Variants in CLCN4 observed in about 807,000 individuals in gnomAD.
The protein encoded by CLCN4 is Cl-/H+ antiporter 4, also known as H(+)/Cl(-) exchange transporter 4.
A neutral mutation model predicts 41.7 loss-of-function variants in CLCN4; 1 was observed. That is an observed-to-expected ratio of 0.02 (90% confidence interval 0.01 to 0.11). The LOEUF (loss-of-function observed/expected upper bound fraction) is 0.11, where lower values mean the gene tolerates loss of function less well. CLCN4 is among the 10% of genes least tolerant of loss of function. The pLI is 1.00. For missense variants in CLCN4, 287 were observed against 661.0 expected (o/e 0.43, Z 6.20); for synonymous variants, 277 against 285.8 (o/e 0.97, Z 0.31).
At chrX:10,160,001 G>A (rs867736957) in intron 2 of CLCN4, among the ~76,000 whole-genome samples, 1 of 110,518 alleles carries the variant, frequency 9.0e-6, no homozygotes, top group South Asian at 3.9e-4. Context: ...GGCATTTGGG[G>A]CCAGATAACT....
At chrX:10,184,937 A>G (rs745388013) in intron 2 of CLCN4, 85 bp from the exon 3 acceptor site, 1 of 769,424 alleles carries the variant, frequency 1.3e-6, no homozygotes, top group Non-Finnish European at 1.9e-6. Context: ...TTTCTTATAT[A>G]AGAAAATAGG....
intron 12 of CLCN4, among the ~76,000 whole-genome samples, chrX:10,230,067 G>A (rs892119925): frequency 1.8e-5 from 2 of 111,982 alleles, no homozygotes; most frequent in African/African-American, 6.5e-5. Context: ...TTTGAGAAAT[G>A]TCTATCCAAA....
At position 10,233,685 on chromosome X, in the gene CLCN4, A is replaced by T. The variant is rs1260194835; in HGVS notation, c.*101A>T. On this transcript the variant is annotated 3_prime_UTR_variant, in exon 13 of 13. Transcript: ENST00000380833. ...CAATGAAAGATCATGCATTGGGGACAGCAGAAACAAAAGCTTTTTTGGAAA... is the reference window on the plus strand; with the variant it reads ...CAATGAAAGATCATGCATTGGGGACTGCAGAAACAAAAGCTTTTTTGGAAA... The T allele has an allele frequency of 1.4e-6, 1 of 690,486 alleles. No homozygotes were observed. The highest frequency in any genetic ancestry group is 2.2e-6 in the Non-Finnish European group (1 of 456,521). The allele number at this position is 690,486 out of a possible 1,213,427, so 56.9% of individuals were successfully genotyped here.
chrX:10,194,249 G>A (rs760059213), intron 4 of CLCN4, among the ~76,000 whole-genome samples: 8 of 111,777 alleles, frequency 7.2e-5, no homozygotes, highest in African/African-American at 2.6e-4. Flanking sequence ...GCCTTTGTGA[G>A]AGATGAGAAT....
rs189496225 is a variant in CLCN4 at position 10,188,630 on chromosome X, G to A, written c.244+1016G>A. Among the ~76,000 whole-genome samples the A allele has an allele frequency of 1.6e-3, 184 of 112,357 alleles. 1 individual carries two copies. The highest frequency in any genetic ancestry group is 4.6e-3 in the Middle Eastern group (1 of 216). On this transcript the variant is annotated intron_variant, in intron 4 of 12. Transcript: ENST00000380833. ...TTAATGTCTAAGAATAAAAAATTTG[G>A]CATGACGAAGAGGTTTCCTTAATAA...
chrX:10,208,431 T>C lies in CLCN4; in HGVS notation c.1230T>C (p.Ser410=). ...TCAATGACTGTGGAGCCCTTGAGTCTTCCCAGCTCTGTGACTACATCAATG... is the reference window on the plus strand; with the variant it reads ...TCAATGACTGTGGAGCCCTTGAGTCCTCCCAGCTCTGTGACTACATCAATG... ...ELFNDCGALE[S]SQLCDYINDP... is the part of the protein sequence containing the mutation. The change falls in exon 9 of 13, where the codon TCT becomes TCC. Residue 410 remains serine (S), a synonymous_variant. Coordinates refer to ENST00000380833, the MANE Select transcript of CLCN4 (RefSeq NM_001830.4). 8.3e-7 allele frequency: 1 copy of C among 1,211,574 alleles called. No homozygotes were observed. Among genetic ancestry groups the C allele is most frequent in the Non-Finnish European group, 1.1e-6 (1 of 895,471 alleles).
chrX:10,189,653 C>T (rs753754302), intron 4 of CLCN4, among the ~76,000 whole-genome samples: 1 of 112,407 alleles, frequency 8.9e-6, no homozygotes, highest in Non-Finnish European at 1.9e-5. Flanking sequence ...CTCACTTCCC[C>T]CTTCCTCGCT....
intron 4 of CLCN4, among the ~76,000 whole-genome samples, chrX:10,190,860 G>A (rs1923941636): frequency 8.9e-6 from 1 of 111,784 alleles, no homozygotes. Context: ...ATATATATTT[G>A]TATATTTGGA....
Position 10,163,130 on chromosome X carries a change from C to T in CLCN4, c.-12+4579C>T, listed in dbSNP as rs1332738642. Among the ~76,000 whole-genome samples the T allele has an allele frequency of 2.6e-5, 3 of 113,504 alleles. No individual in the cohort carries two copies. In the Admixed American group the frequency reaches 2.8e-4, roughly 10 times the overall value. ...TGCCCCCATCACATGGGCCAGAGGCCCCAGCCACTTTGCCCCAGAGGTCCT... is the reference window on the plus strand; with the variant it reads ...TGCCCCCATCACATGGGCCAGAGGCTCCAGCCACTTTGCCCCAGAGGTCCT... On this transcript the variant is annotated intron_variant, in intron 2 of 12. Transcript: ENST00000380833.
intron 12 of CLCN4, among the ~76,000 whole-genome samples, chrX:10,225,165 C>T (rs1344061622): frequency 8.9e-6 from 1 of 111,903 alleles, no homozygotes; most frequent in East Asian, 2.8e-4. Flanking sequence ...GGGGAATCGC[C>T]ACACTGTCCT....
chrX:10,205,472 C>CAAAAAAA (rs758694004), intron 6 of CLCN4, among the ~76,000 whole-genome samples: 6 of 52,923 alleles, frequency 1.1e-4, no homozygotes, highest in East Asian at 5.3e-4. Context: ...GACTCCATCT[C>CAAAAAAA]AAAAAAAAAA....
intron 2 of CLCN4, among the ~76,000 whole-genome samples, chrX:10,183,491 T>C (rs968476357): frequency 8.9e-6 from 1 of 112,710 alleles, no homozygotes; most frequent in African/African-American, 3.2e-5. Flanking sequence ...TAACCATCTA[T>C]GCCAGCACTT....
At chrX:10,198,188 T>C (rs750968666) in intron 6 of CLCN4, 127 bp downstream of exon 6, 91 of 639,563 alleles carry the variant, frequency 1.4e-4, no homozygotes, top group Non-Finnish European at 2.0e-4. Context: ...AATAAGACTA[T>C]GACGTAGGTA....
chrX:10,213,556 G>A (rs1391228495), intron 10 of CLCN4, 125 bp from the exon 11 acceptor site: 2 of 645,067 alleles, frequency 3.1e-6, no homozygotes, highest in East Asian at 6.5e-5. Context: ...TAGGAAGCAT[G>A]TAGGAGAGTC....
chrX:10,174,389 G>A (rs1364600583), intron 2 of CLCN4, among the ~76,000 whole-genome samples: 1 of 112,330 alleles, frequency 8.9e-6, no homozygotes, highest in East Asian at 2.8e-4. Flanking sequence ...AGGCACAAAT[G>A]GCTATTTTGG....
chrX:10,205,784 C>CT (rs367629039), intron 6 of CLCN4, among the ~76,000 whole-genome samples: 36 of 102,684 alleles, frequency 3.5e-4, no homozygotes, highest in African/African-American at 6.7e-4. Context: ...ATTTTAATTT[C>CT]TTTTTTTTTT....
chrX:10,210,650 CTTTTTT>C (rs34763016), intron 9 of CLCN4, among the ~76,000 whole-genome samples: 3 of 75,084 alleles, frequency 4.0e-5, no homozygotes, highest in African/African-American at 5.1e-5. Context: ...CCTGAATTGT[CTTTTTT>C]TTTTTTTTTT....
chrX:10,176,437 A>G (rs1283361055), intron 2 of CLCN4, among the ~76,000 whole-genome samples: 3 of 112,788 alleles, frequency 2.7e-5, no homozygotes, highest in Non-Finnish European at 5.6e-5. Flanking sequence ...TGGAGACTAT[A>G]TGGCATATGG....
chrX:10,159,103 A>G (rs1923030137), intron 2 of CLCN4, among the ~76,000 whole-genome samples: 1 of 110,343 alleles, frequency 9.1e-6, no homozygotes, highest in Non-Finnish European at 1.9e-5. Flanking sequence ...GCAAGGTTCC[A>G]GCATTTACAG....
Sources: gnomAD v4.1 joint callset for allele counts (sites outside exome capture counted in the v4.1 genomes callset) on GRCh38, gnomAD v4.1.1 for gene constraint, MANE v1.5 for transcripts, NCBI Gene and HGNC (gene_info 2026-07-23, HGNC 2026-07-21) for gene names.